SCUBE1: variants seen among roughly 807,000 people sequenced by gnomAD.
SCUBE1 encodes signal peptide, CUB domain and EGF like domain containing 1.
SCUBE1 carries 59 observed loss-of-function variants against 124.4 expected under a neutral mutation model. The observed-to-expected ratio is 0.47, with a 90% confidence interval of 0.38 to 0.59. The LOEUF is 0.59. Among genes scored for constraint, SCUBE1 ranks in the 20% least tolerant of loss-of-function variants. SCUBE1 has a pLI of 0.00. For synonymous variants in SCUBE1, 545 were observed against 550.9 expected (o/e 0.99, Z 0.15); for missense variants, 1,150 against 1,371.2 (o/e 0.84, Z 2.55).
chr22:43,338,127 G>A (rs953074500), intron 2 of SCUBE1, among the ~76,000 whole-genome samples: 1 of 152,186 alleles, frequency 6.6e-6, no homozygotes, highest in Non-Finnish European at 1.5e-5. Flanking sequence ...GCCCAGTCCT[G>A]CCCCAGACCC....
At chr22:43,307,420 G>A (rs1349400443) in intron 3 of SCUBE1, among the ~76,000 whole-genome samples, 1 of 152,228 alleles carries the variant, frequency 6.6e-6, no homozygotes, top group Non-Finnish European at 1.5e-5. Context: ...AAAAGTGTTC[G>A]CCATGCTGGA....
chr22:43,278,357 G>A (rs954421565), intron 4 of SCUBE1, among the ~76,000 whole-genome samples: 2 of 152,262 alleles, frequency 1.3e-5, no homozygotes, highest in Admixed American at 6.5e-5. Context: ...GAAGGCAGGT[G>A]CTGAGGCTGG....
intron 15 of SCUBE1, among the ~76,000 whole-genome samples, chr22:43,214,614 G>C (rs1417045333): frequency 6.6e-6 from 1 of 152,174 alleles, no homozygotes; most frequent in African/African-American, 2.4e-5. Context: ...TCGCCACTTG[G>C]ATATGCTACA....
rs1334785114 is a variant in SCUBE1, at chr22:43,199,209, A to G, written c.*4788T>C. 5.4e-6 allele frequency: 1 copy of G among 184,532 alleles called. No homozygotes were observed. Among genetic ancestry groups the G allele is most frequent in the Non-Finnish European group, 1.1e-5 (1 of 87,976 alleles). 11.4% of individuals were successfully genotyped at this position (184,532 alleles called of 1,614,324 possible). ...GCGAAATGACTCAACTTATTTCAGT[A>G]TCTTATTTTTTCTGCTGGGGGTGGT... On this transcript the variant is annotated 3_prime_UTR_variant, in exon 22 of 22. Coordinates refer to ENST00000360835, the MANE Select transcript of SCUBE1 (RefSeq NM_173050.5).
At chr22:43,310,719 T>C (rs1466981431) in intron 3 of SCUBE1, among the ~76,000 whole-genome samples, 2 of 152,268 alleles carry the variant, frequency 1.3e-5, no homozygotes, top group South Asian at 2.1e-4. Context: ...AAAATGGACA[T>C]GTAATAATTG....
chr22:43,244,275 G>A (rs572591513), intron 6 of SCUBE1, among the ~76,000 whole-genome samples: 4 of 152,306 alleles, frequency 2.6e-5, no homozygotes, highest in South Asian at 4.1e-4. Context: ...CTGCCTCCCC[G>A]AAAGCTGTCC....
intron 5 of SCUBE1, among the ~76,000 whole-genome samples, chr22:43,261,532 C>G (rs1307334445): frequency 6.6e-6 from 1 of 152,236 alleles, no homozygotes; most frequent in Non-Finnish European, 1.5e-5. Flanking sequence ...AAGGCACCCA[C>G]AGGAGAGCTG....
chr22:43,303,465 A>G (rs1235063850), intron 3 of SCUBE1, among the ~76,000 whole-genome samples: 1 of 152,242 alleles, frequency 6.6e-6, no homozygotes, highest in African/African-American at 2.4e-5. Context: ...TGGTGGCAAC[A>G]ACCAGGACTA....
chr22:43,214,945 G>A (rs1921745472), intron 15 of SCUBE1, among the ~76,000 whole-genome samples: 1 of 152,204 alleles, frequency 6.6e-6, no homozygotes, highest in Non-Finnish European at 1.5e-5. Context: ...TGTGGAACGG[G>A]AGGCACTGGC....
chr22:43,238,715 T>C (rs778952331), intron 7 of SCUBE1, 123 bp downstream of exon 7: 10 of 822,994 alleles, frequency 1.2e-5, no homozygotes, highest in Non-Finnish European at 1.9e-5. Flanking sequence ...TTGCCACGTG[T>C]CCTTTCCCAC....
At position 43,258,178 on chromosome 22, in the gene SCUBE1, G is replaced by A. The variant is rs376748620; in HGVS notation, c.727+41C>T. Reference sequence around the variant, plus strand: ...GGTGCACGCATGGGGGGTCGGGGGCGGGGGGCGCAAGGGTGGTGTGTGGCA... The same window carrying A: ...GGTGCACGCATGGGGGGTCGGGGGCAGGGGGCGCAAGGGTGGTGTGTGGCA... On this transcript the variant is annotated intron_variant, in intron 6 of 21. Transcript: ENST00000360835. This position sits in a 1 kb window ranked among gnomAD's most constrained non-coding sequence, Gnocchi z 5.0. 5.9e-6 allele frequency: 8 copies of A among 1,352,714 alleles called. No homozygotes were observed. Among genetic ancestry groups the A allele is most frequent in the East Asian group, 2.3e-5 (1 of 43,108 alleles). The allele number at this position is 1,352,714 out of a possible 1,614,324, so 83.8% of individuals were successfully genotyped here.
chr22:43,257,964 G>A (rs1033980447), intron 6 of SCUBE1, among the ~76,000 whole-genome samples: 5 of 152,180 alleles, frequency 3.3e-5, no homozygotes, highest in African/African-American at 4.8e-5. Context: ...GGGAGCCCAC[G>A]TCAGGCGTCG....
At position 43,228,227 on chromosome 22, in the gene SCUBE1, A is replaced by C. The variant is rs550138765; in HGVS notation, c.1085-731T>G. 1.1e-3 allele frequency among the ~76,000 whole-genome samples: 161 copies of C among 152,218 alleles called. No individual in the cohort carries two copies. In the Middle Eastern group the frequency reaches 0.044, roughly 42 times the overall value. ...AGAGGGGGACCGTCCTTGGCTTCCTAATCTTCACCCACCATGCCCATATAA... is the reference window on the plus strand; with the variant it reads ...AGAGGGGGACCGTCCTTGGCTTCCTCATCTTCACCCACCATGCCCATATAA... On this transcript the variant is annotated intron_variant, in intron 9 of 21. Transcript: ENST00000360835.
chr22:43,199,398 G>A lies in SCUBE1; in HGVS notation c.*4599C>T, dbSNP rs1471292494. On this transcript the variant is annotated 3_prime_UTR_variant, in exon 22 of 22. Coordinates refer to ENST00000360835, the MANE Select transcript of SCUBE1 (RefSeq NM_173050.5). Reference sequence around the variant, plus strand: ...TAAGAACGAGCGTGCATGAAAAGGGGGGCCATTCAGACAGAAAACTACGCT... The same window carrying A: ...TAAGAACGAGCGTGCATGAAAAGGGAGGCCATTCAGACAGAAAACTACGCT... 6.6e-6 allele frequency: 1 copy of A among 151,794 alleles called. No individual in the cohort carries two copies. Among genetic ancestry groups the A allele is most frequent in the Non-Finnish European group, 1.5e-5 (1 of 68,406 alleles). The allele number at this position is 151,794 out of a possible 1,614,324, so 9.4% of individuals were successfully genotyped here.
chr22:43,314,129 C>T (rs573106039), intron 3 of SCUBE1, among the ~76,000 whole-genome samples: 3 of 152,280 alleles, frequency 2.0e-5, no homozygotes, highest in East Asian at 1.9e-4. Flanking sequence ...CACAAGGCAG[C>T]GGAGACAGAG....
chr22:43,205,696 CA>C (rs1921210270), intron 21 of SCUBE1, among the ~76,000 whole-genome samples: 1 of 116,062 alleles, frequency 8.6e-6, no homozygotes, highest in Non-Finnish European at 1.8e-5. Context: ...CACCCCCACA[CA>C]CACCACCCAC....
intron 21 of SCUBE1, among the ~76,000 whole-genome samples, chr22:43,204,574 C>T (rs944859935): frequency 2.0e-5 from 3 of 150,630 alleles, no homozygotes; most frequent in Admixed American, 6.6e-5. Flanking sequence ...GCTGGGATTA[C>T]AGGCGTGAGC....
chr22:43,292,593 A>ACACACACACACT (rs1284211250), intron 3 of SCUBE1, among the ~76,000 whole-genome samples: 2 of 151,694 alleles, frequency 1.3e-5, no homozygotes, highest in African/African-American at 4.8e-5. Flanking sequence ...ACACACACAC[A>ACACACACACACT]CACTCTTCGG....
Position 43,218,444 on chromosome 22 carries a change from C to A in SCUBE1, c.1702G>T (p.Asp568Tyr), listed in dbSNP as rs1216918224. 6.2e-7 allele frequency: 1 copy of A among 1,611,870 alleles called. No homozygotes were observed. The highest frequency in any genetic ancestry group is 1.1e-5 in the South Asian group (1 of 91,074). ...MEEASDTCEA[D>Y]CLRKRAEQSL... ...TGTTCTGCTCGCTTCCGCAAGCAGT[C>A]CGCTTCGCATGTGTCTGCAGGGGCA... is the stretch of plus-strand genomic sequence containing the variant. The change falls in exon 15 of 22, where the codon GAC becomes TAC. Residue 568 changes from aspartate to tyrosine, a missense_variant. This residue lies in a region of SCUBE1 where 757 missense variants were observed against 840.9 expected (regional missense o/e 0.90). Transcript: ENST00000360835.
Sources: allele counts gnomAD v4.1 joint callset (sites outside exome capture counted in the v4.1 genomes callset), GRCh38; gene constraint gnomAD v4.1.1; regional missense constraint gnomAD v4.1.1; non-coding constraint Gnocchi (gnomAD v3.1); transcripts MANE v1.5; gene names NCBI Gene and HGNC (gene_info 2026-07-23, HGNC 2026-07-21).